STAG1: variants seen among roughly 807,000 people sequenced by gnomAD.
STAG1 encodes the protein cohesin subunit SA-1.
A neutral mutation model predicts 170.9 loss-of-function variants in STAG1; 26 were observed. That is an observed-to-expected ratio of 0.15 (90% CI 0.11 to 0.21). The LOEUF (loss-of-function observed/expected upper bound fraction) is 0.21. Among genes scored for constraint, STAG1 ranks in the 10% least tolerant of loss-of-function variants. The probability of loss-of-function intolerance (pLI) is 1.00; values close to 1 mark genes in which losing one functional copy is unlikely to be tolerated. For missense variants in STAG1, 964 were observed against 1,509.5 expected (o/e 0.64, Z 5.99); for synonymous variants, 514 against 497.7 (o/e 1.03, Z -0.44).
chr3:136,617,352 A>C (rs1369097385), intron 3 of STAG1, among the ~76,000 whole-genome samples: 1 of 152,192 alleles, frequency 6.6e-6, no homozygotes, highest in East Asian at 1.9e-4. Flanking sequence ...TGGTGTTGGA[A>C]ATGCTAAGTC....
At chr3:136,372,746 T>G (rs1189562098) in intron 23 of STAG1, among the ~76,000 whole-genome samples, 1 of 152,234 alleles carries the variant, frequency 6.6e-6, no homozygotes, top group Non-Finnish European at 1.5e-5. Flanking sequence ...TGGATTCAGT[T>G]TTCCAGTATT....
At chr3:136,554,266 T>C (rs949187896) in intron 5 of STAG1, among the ~76,000 whole-genome samples, 2 of 151,964 alleles carry the variant, frequency 1.3e-5, no homozygotes, top group African/African-American at 4.8e-5. Context: ...GAAAGGCAGT[T>C]AAGAAGAAAT....
At chr3:136,533,106 T>A (rs901095161) in intron 6 of STAG1, among the ~76,000 whole-genome samples, 14 of 152,242 alleles carry the variant, frequency 9.2e-5, no homozygotes, top group African/African-American at 3.4e-4. Flanking sequence ...TTGGTTTCTA[T>A]ATACCATTAA....
intron 1 of STAG1, among the ~76,000 whole-genome samples, chr3:136,671,949 A>G (rs759186909): frequency 6.6e-5 from 10 of 152,230 alleles, no homozygotes; most frequent in Non-Finnish European, 1.3e-4. Context: ...TAGAACAAAA[A>G]AGATAAACTA....
intron 22 of STAG1, among the ~76,000 whole-genome samples, chr3:136,394,478 G>A (rs986458035): frequency 6.6e-6 from 1 of 152,096 alleles, no homozygotes; most frequent in African/African-American, 2.4e-5. Context: ...AGATGCTGCA[G>A]CATTCTTTCT....
At chr3:136,560,824 G>A (rs994320132) in intron 5 of STAG1, among the ~76,000 whole-genome samples, 1 of 152,208 alleles carries the variant, frequency 6.6e-6, no homozygotes, top group Non-Finnish European at 1.5e-5. Context: ...AGGGATACTG[G>A]AGCCAATGAA....
intron 1 of STAG1, among the ~76,000 whole-genome samples, chr3:136,726,520 T>C (rs1400137678): frequency 1.3e-5 from 2 of 152,100 alleles, no homozygotes; most frequent in East Asian, 3.9e-4. Flanking sequence ...GCCTCCCAGG[T>C]TCAAGTGATT....
At chr3:136,470,215 A>G (rs910776584) in intron 12 of STAG1, among the ~76,000 whole-genome samples, 7 of 152,256 alleles carry the variant, frequency 4.6e-5, no homozygotes, top group African/African-American at 1.7e-4. Flanking sequence ...AGAATGGGAG[A>G]AAATTTTCAC....
rs1934925840 is a variant in STAG1, at chr3:136,525,019, G to T, written c.472-3602C>A. ...TGCCGGTATTTTATTGAGGACTTTTGCATCGATGTTCATCAGGGGTATTGA... is the reference window on the plus strand; with the variant it reads ...TGCCGGTATTTTATTGAGGACTTTTTCATCGATGTTCATCAGGGGTATTGA... On this transcript the variant is annotated intron_variant, in intron 6 of 33. Coordinates refer to ENST00000383202, the MANE Select transcript of STAG1 (RefSeq NM_005862.3). 2.0e-5 allele frequency among the ~76,000 whole-genome samples: 3 copies of T among 152,224 alleles called. No homozygotes were observed. The South Asian group carries it at 6.2e-4, about 32-fold the overall frequency.
chr3:136,522,531 G>C (rs1448029290), intron 6 of STAG1, among the ~76,000 whole-genome samples: 1 of 151,556 alleles, frequency 6.6e-6, no homozygotes, highest in Non-Finnish European at 1.5e-5. Flanking sequence ...AGTTCCTCTT[G>C]TTTTTTTCTT....
intron 13 of STAG1, among the ~76,000 whole-genome samples, chr3:136,461,827 A>G (rs2089283295): frequency 6.6e-6 from 1 of 152,164 alleles, no homozygotes; most frequent in Non-Finnish European, 1.5e-5. Flanking sequence ...CAGAATATAT[A>G]AGGTACTCAA....
At chr3:136,750,761 AT>A (rs1292416899) in intron 1 of STAG1, among the ~76,000 whole-genome samples, 1 of 152,228 alleles carries the variant, frequency 6.6e-6, no homozygotes, top group Admixed American at 6.5e-5. Context: ...AGTATTCTTA[AT>A]CATCAAAAGC....
chr3:136,463,458 A>G (rs971959335), intron 13 of STAG1, among the ~76,000 whole-genome samples: 1 of 152,210 alleles, frequency 6.6e-6, no homozygotes, highest in Admixed American at 6.6e-5. Flanking sequence ...AATACATAAT[A>G]AACTTTTAAA....
intron 2 of STAG1, 126 bp from the exon 3 acceptor site, chr3:136,623,374 C>G: frequency 1.4e-6 from 1 of 701,550 alleles, no homozygotes; most frequent in Non-Finnish European, 2.2e-6. Context: ...TTCAGAGAAA[C>G]TCTCTAGCAA....
intron 1 of STAG1, among the ~76,000 whole-genome samples, chr3:136,702,211 C>T (rs1165022570): frequency 6.6e-6 from 1 of 152,042 alleles, no homozygotes; most frequent in East Asian, 1.9e-4. Context: ...ATGTTCAGCC[C>T]AGGCTGGTCT....
intron 6 of STAG1, among the ~76,000 whole-genome samples, chr3:136,537,509 T>G (rs561770022): frequency 1.3e-5 from 2 of 148,756 alleles, no homozygotes; most frequent in Admixed American, 6.6e-5. Context: ...TTTTTTGTTT[T>G]TTTTTTTTTG....
At chr3:136,744,470 A>G (rs977731643) in intron 1 of STAG1, among the ~76,000 whole-genome samples, 2 of 152,182 alleles carry the variant, frequency 1.3e-5, no homozygotes, top group African/African-American at 4.8e-5. Context: ...CTGCTGACAA[A>G]AGTGAGAATG....
At chr3:136,513,441 C>A (rs749195179) in intron 7 of STAG1, among the ~76,000 whole-genome samples, 1 of 151,662 alleles carries the variant, frequency 6.6e-6, no homozygotes, top group Non-Finnish European at 1.5e-5. Flanking sequence ...TGAGGTAACA[C>A]AGTGGACAGA....
chr3:136,396,902 TA>T (rs2087179750), intron 22 of STAG1, among the ~76,000 whole-genome samples: 1 of 152,170 alleles, frequency 6.6e-6, no homozygotes, highest in African/African-American at 2.4e-5. Context: ...CTGAAATTAT[TA>T]ATAAAAGAGA....
Sources: allele counts gnomAD v4.1 joint callset (sites outside exome capture counted in the v4.1 genomes callset), GRCh38; gene constraint gnomAD v4.1.1; transcripts MANE v1.5; gene names NCBI Gene and HGNC (gene_info 2026-07-23, HGNC 2026-07-21).